The following PIGN variants were observed in gnomAD, a reference collection of about 807,000 sequenced individuals.
PIGN encodes phosphatidylinositol glycan anchor biosynthesis class N.
A neutral mutation model predicts 125.4 loss-of-function variants in PIGN; 117 were observed. The observed-to-expected ratio is 0.93, with a 90% CI of 0.80 to 1.09. PIGN has a LOEUF of 1.09. Ranked by LOEUF, PIGN falls within the 50% of genes least tolerant of loss-of-function variation. The probability of loss-of-function intolerance (pLI) is 0.00; values close to 1 mark genes in which losing one functional copy is unlikely to be tolerated. For missense variants in PIGN, 1,075 were observed against 1,094.9 expected, an observed-to-expected ratio of 0.98 and a Z score of 0.26; for synonymous variants, 392 against 377.8, an observed-to-expected ratio of 1.04 and a Z score of -0.44.
downstream of PIGN, among the ~76,000 whole-genome samples, chr18:62,036,776 T>C (rs2030267242): frequency 6.6e-6 from 1 of 152,206 alleles, no homozygotes; most frequent in Non-Finnish European, 1.5e-5. Context: ...TGCTAACTGG[T>C]ATGTTAACCT....
At chr18:62,135,578 C>CCTAACTA (rs978984240) in intron 14 of PIGN, 19 of 152,346 alleles carry the variant, frequency 1.2e-4, no homozygotes, top group African/African-American at 4.6e-4. Flanking sequence ...AGAGTCCTTC[C>CCTAACTA]CTAACTAGCC....
Position 62,085,219 on chromosome 18 carries a change from A to G in PIGN, c.2416T>C (p.Ser806Pro). 6.5e-7 allele frequency: 1 copy of G among 1,530,762 alleles called. No individual in the cohort carries two copies. Among genetic ancestry groups the G allele is most frequent in the Non-Finnish European group, 8.9e-7 (1 of 1,129,800 alleles). 94.8% of individuals were successfully genotyped at this position (1,530,762 alleles called of 1,614,324 possible). A position where few individuals can be genotyped will look rare whatever the true frequency, so the allele number is the denominator to read the frequency against. ...TTCATTTAAAATTACCTGTTAATAG[A>G]AGCTATATTTCCAGTTCCAAAAAAT... Reference protein sequence around the residue: ...TAFFGTGNIASINSFDLASVY... With the variant: ...TAFFGTGNIAPINSFDLASVY... The change falls in exon 26 of 31, where the codon TCT becomes CCT. Residue 806 changes from serine to proline, a missense_variant. By Grantham distance (74) the Ser-to-Pro change is moderately conservative. Coordinates refer to ENST00000640252, the MANE Select transcript of PIGN (RefSeq NM_176787.5).
chr18:62,177,229 A>G (rs907218698), intron 1 of PIGN, among the ~76,000 whole-genome samples: 2 of 152,078 alleles, frequency 1.3e-5, no homozygotes, highest in African/African-American at 4.8e-5. Context: ...TTCTGCTTCT[A>G]TAATTGCAAT....
intron 14 of PIGN, among the ~76,000 whole-genome samples, chr18:62,125,148 G>GTATATATACACGTTTGTACATATGTGTA (rs3081456): frequency 3.6e-5 from 3 of 83,022 alleles, no homozygotes; most frequent in Non-Finnish European, 5.5e-5. Context: ...GTACATATGT[G>GTATATATACACGTTTGTACATATGTGTA]TATATACATG....
intron 14 of PIGN, among the ~76,000 whole-genome samples, chr18:62,127,194 A>C (rs12327175): frequency 0.17 from 25,768 of 152,116 alleles, 2,935 homozygotes; most frequent in Middle Eastern, 0.29. Context: ...TCAACTTAAG[A>C]TAATGCTACA....
chr18:62,122,269 T>C (rs1359322105), intron 14 of PIGN, among the ~76,000 whole-genome samples: 2 of 152,180 alleles, frequency 1.3e-5, no homozygotes, highest in East Asian at 3.8e-4. Context: ...TTTGATTATA[T>C]GAATGTATCA....
chr18:62,108,727 A>AT (rs2146480381), intron 17 of PIGN, among the ~76,000 whole-genome samples: 1 of 152,208 alleles, frequency 6.6e-6, no homozygotes, highest in East Asian at 1.9e-4. Context: ...AGTAGCTGGA[A>AT]TTACAGGTGC....
chr18:62,079,421 G>T (rs189492391), intron 28 of PIGN, among the ~76,000 whole-genome samples: 20 of 152,304 alleles, frequency 1.3e-4, no homozygotes, highest in Admixed American at 6.5e-5. Flanking sequence ...AATAGTAGGA[G>T]AAATTAGCAT....
Position 62,127,954 on chromosome 18 carries a change from A to G in PIGN, c.1172+10289T>C, listed in dbSNP as rs535254145. 2.0e-5 allele frequency among the ~76,000 whole-genome samples: 3 copies of G among 152,288 alleles called. No homozygotes were observed. The South Asian group carries it at 6.2e-4, about 32-fold the overall frequency. On this transcript the variant is annotated intron_variant, in intron 14 of 30. Transcript: ENST00000640252. The stretch of plus-strand genomic sequence containing the variant: ...AAAAATACATGGTGCTATTTTCCCA[A>G]CAAGAAAATGCATGGGAAACTACAC...
intron 4 of PIGN, 159 bp from the exon 5 acceptor site, chr18:62,157,967 T>A (rs921329745): frequency 3.3e-6 from 2 of 603,910 alleles, no homozygotes; most frequent in Non-Finnish European, 5.6e-6. Flanking sequence ...GGTGAGCCCA[T>A]TCCTAGCATC....
intron 10 of PIGN, among the ~76,000 whole-genome samples, chr18:62,145,444 G>A (rs755523051): frequency 1.3e-5 from 2 of 152,150 alleles, no homozygotes; most frequent in Non-Finnish European, 2.9e-5. Flanking sequence ...AGGGCCTGGG[G>A]TTGAAATAGC....
intron 14 of PIGN, among the ~76,000 whole-genome samples, chr18:62,122,335 T>C (rs1268785884): frequency 1.3e-5 from 2 of 152,142 alleles, no homozygotes; most frequent in African/African-American, 2.4e-5. Flanking sequence ...ATTTTCAAAC[T>C]AAAATTCCTA....
At chr18:62,145,571 C>G (rs1002428285) in intron 10 of PIGN, among the ~76,000 whole-genome samples, 6 of 152,166 alleles carry the variant, frequency 3.9e-5, no homozygotes, top group Non-Finnish European at 7.3e-5. Flanking sequence ...TTATTTACCT[C>G]TATGAAACCT....
At chr18:62,106,280 A>G (rs534996353) in intron 19 of PIGN, among the ~76,000 whole-genome samples, 2 of 152,268 alleles carry the variant, frequency 1.3e-5, no homozygotes, top group South Asian at 4.2e-4. Context: ...ATATAAGTGC[A>G]TTCTTTGTAG....
intron 28 of PIGN, among the ~76,000 whole-genome samples, chr18:62,077,010 T>C (rs1461720204): frequency 6.6e-6 from 1 of 152,280 alleles, no homozygotes; most frequent in African/African-American, 2.4e-5. Context: ...CTTTCTTCTG[T>C]GAATCAAAGC....
chr18:62,038,450 G>A (rs1056552443), downstream of PIGN, among the ~76,000 whole-genome samples: 1 of 151,680 alleles, frequency 6.6e-6, no homozygotes, highest in Non-Finnish European at 1.5e-5. Flanking sequence ...ATCTTGCAAA[G>A]AACTTAGACT....
In PIGN at chr18:62,139,085, A is replaced by G. The variant is rs1234850650; in HGVS notation, c.1024-10T>C. ...CCACAGGAAGGATTCCCTGAAAATA[A>G]CAAACACCAGCTTATTGATAGTATT... is the stretch of plus-strand genomic sequence containing the variant. On this transcript the variant is annotated splice_polypyrimidine_tract_variant and intron_variant, in intron 12 of 30. Coordinates refer to ENST00000640252, the MANE Select transcript of PIGN (RefSeq NM_176787.5). 1.3e-6 allele frequency: 2 copies of G among 1,529,878 alleles called. No individual in the cohort carries two copies. Among genetic ancestry groups the G allele is most frequent in the African/African-American group, 2.7e-5 (2 of 73,416 alleles). The allele number at this position is 1,529,878 out of a possible 1,614,324, so 94.8% of individuals were successfully genotyped here.
intron 30 of PIGN, among the ~76,000 whole-genome samples, chr18:62,049,180 T>C (rs1369495771): frequency 3.9e-5 from 6 of 152,096 alleles, no homozygotes; most frequent in Non-Finnish European, 7.4e-5. Flanking sequence ...CATGTGTCTT[T>C]ATAGCAGCAT....
chr18:62,083,701 T>A lies in PIGN; in HGVS notation c.2502+830A>T, dbSNP rs74520576. Among the ~76,000 whole-genome samples, 1,472 of 152,218 alleles carry A rather than the reference T, an allele frequency of 9.7e-3. 48 individuals are homozygous for A. Among genetic ancestry groups the A allele is most frequent in the East Asian group, 0.069 (359 of 5,186 alleles). On this transcript the variant is annotated intron_variant, in intron 27 of 30. Transcript: ENST00000640252. Reference sequence around the variant, plus strand: ...TAATAAACTGGGAAAAAAAACCATTTAAAAAATGTGAGTGAAAATTAAGGA... The same window carrying A: ...TAATAAACTGGGAAAAAAAACCATTAAAAAAATGTGAGTGAAAATTAAGGA...
Sources: allele counts gnomAD v4.1 joint callset (sites outside exome capture counted in the v4.1 genomes callset), GRCh38; gene constraint gnomAD v4.1.1; transcripts MANE v1.5; gene names NCBI Gene and HGNC (gene_info 2026-07-23, HGNC 2026-07-21).